The following PLA2R1 variants were observed in gnomAD, a reference collection of about 807,000 sequenced individuals.
PLA2R1 encodes the protein phospholipase A2 receptor 1.
In PLA2R1, 158 loss-of-function variants were observed where a neutral mutation model predicts 195.9. The ratio of observed to expected loss-of-function variants is 0.81; its 90% CI spans 0.71 to 0.92. PLA2R1 has a LOEUF of 0.92. PLA2R1 is among the 40% of genes least tolerant of loss of function. The pLI is 0.00. For synonymous variants in PLA2R1, 586 were observed against 598.2 expected (o/e 0.98, Z 0.30); for missense variants, 1,626 against 1,764.6 (o/e 0.92, Z 1.41).
At chr2:160,023,932 C>G (rs1368786997) in intron 6 of PLA2R1, among the ~76,000 whole-genome samples, 3 of 133,180 alleles carry the variant, frequency 2.3e-5, no homozygotes, top group Non-Finnish European at 4.6e-5. Flanking sequence ...CAGCTCAGAG[C>G]CAGGAGAGAC....
chr2:160,054,755 A>G (rs1411720341), intron 1 of PLA2R1, among the ~76,000 whole-genome samples: 2 of 152,134 alleles, frequency 1.3e-5, no homozygotes, highest in African/African-American at 4.8e-5. Context: ...TCTTTTGTTT[A>G]TTTTATGAAC....
intron 1 of PLA2R1, among the ~76,000 whole-genome samples, chr2:160,061,803 C>T (rs907129379): frequency 7.2e-5 from 11 of 152,020 alleles, no homozygotes; most frequent in Non-Finnish European, 1.5e-4. Context: ...AAAAGTTTTC[C>T]TTAAGGAAGG....
chr2:160,022,812 T>C lies in PLA2R1; in HGVS notation c.1147A>G (p.Asn383Asp). The C allele has an allele frequency of 1.2e-6, 2 of 1,613,510 alleles. No individual in the cohort carries two copies. Among genetic ancestry groups the C allele is most frequent in the Non-Finnish European group, 8.5e-7 (1 of 1,179,624 alleles). Reference sequence around the variant, plus strand: ...TTGTAGCAATTACGATTGTAGGGATTCCAGCCAGGCTCACAGTGGGTAGCA... The same window carrying C: ...TTGTAGCAATTACGATTGTAGGGATCCCAGCCAGGCTCACAGTGGGTAGCA... Reference protein sequence around the residue: ...YYATHCEPGWNPYNRNCYKLQ... With the variant: ...YYATHCEPGWDPYNRNCYKLQ... The change falls in exon 7 of 30, where the codon AAT becomes GAT. Residue 383 changes from asparagine (N) to aspartate (D), a missense_variant. By Grantham distance (23) the Asn-to-Asp change is conservative. Coordinates refer to ENST00000283243, the MANE Select transcript of PLA2R1 (RefSeq NM_007366.5).
intron 11 of PLA2R1, among the ~76,000 whole-genome samples, chr2:159,997,022 G>A (rs1266247461): frequency 6.6e-6 from 1 of 152,108 alleles, no homozygotes; most frequent in Non-Finnish European, 1.5e-5. Context: ...TCCTGTCATA[G>A]CTGACTGGCT....
intron 1 of PLA2R1, among the ~76,000 whole-genome samples, chr2:160,061,275 G>A (rs982463572): frequency 7.9e-5 from 12 of 152,160 alleles, no homozygotes; most frequent in African/African-American, 2.9e-4. Context: ...CTCTGCCTGA[G>A]GTGGCCCATT....
At chr2:159,952,762 C>T (rs916724244) in intron 23 of PLA2R1, among the ~76,000 whole-genome samples, 7 of 152,296 alleles carry the variant, frequency 4.6e-5, no homozygotes, top group Non-Finnish European at 8.8e-5. Context: ...CAGAAAGCAT[C>T]CTATGAATGT....
chr2:160,016,473 G>T (rs1205670123), intron 9 of PLA2R1, 141 bp downstream of exon 9: 6 of 575,968 alleles, frequency 1.0e-5, no homozygotes, highest in South Asian at 4.0e-5. Context: ...AGGAAAGAAG[G>T]GGGGGGTGCG....
chr2:159,985,179 C>T (rs1030664751), intron 12 of PLA2R1, among the ~76,000 whole-genome samples: 1 of 152,162 alleles, frequency 6.6e-6, no homozygotes, highest in African/African-American at 2.4e-5. Context: ...TTCACAGGCC[C>T]CAGTTTACTC....
chr2:160,002,179 TA>T (rs953989813), intron 11 of PLA2R1, among the ~76,000 whole-genome samples: 2 of 151,514 alleles, frequency 1.3e-5, no homozygotes, highest in African/African-American at 4.8e-5. Context: ...TTTGGGAAAT[TA>T]AAAAAAATCT....
chr2:159,967,405 A>G, intron 20 of PLA2R1, 134 bp downstream of exon 20: 1 of 672,148 alleles, frequency 1.5e-6, no homozygotes, highest in Non-Finnish European at 2.5e-6. Flanking sequence ...AAATTTCTTG[A>G]AAGTTGTGAC....
Position 159,967,626 on chromosome 2 carries a change from T to C in PLA2R1, c.2817A>G (p.Arg939=), listed in dbSNP as rs1415231652. Residue 939 remains arginine (R), a synonymous_variant, in exon 20 of 30, where the codon CGA becomes CGG. Transcript: ENST00000283243. The stretch of plus-strand genomic sequence containing the variant: ...TTTTCTCTATGAGCCAAACCTTTTT[T>C]CGCTTACAGATACTAGGCATAGAAA... The part of the protein sequence containing the change: ...CSVSMPSICK[R]KKVWLIEKKK... 1.2e-6 allele frequency: 2 copies of C among 1,613,704 alleles called. No homozygotes were observed. The highest frequency in any genetic ancestry group is 1.3e-5 in the African/African-American group (1 of 74,924).
At chr2:160,016,200 G>T (rs1410106568) in intron 9 of PLA2R1, among the ~76,000 whole-genome samples, 2 of 148,026 alleles carry the variant, frequency 1.4e-5, no homozygotes, top group Admixed American at 1.4e-4. Context: ...GGAGGTGGAG[G>T]TTGCAGTGAG....
chr2:159,947,095 C>T (rs556981826), intron 26 of PLA2R1, among the ~76,000 whole-genome samples, 178 bp from the exon 27 acceptor site: 1 of 152,126 alleles, frequency 6.6e-6, no homozygotes, highest in Non-Finnish European at 1.5e-5. Context: ...TACAAGCTTG[C>T]ACGTCAGAAG....
intron 17 of PLA2R1, among the ~76,000 whole-genome samples, chr2:159,973,897 G>A (rs113988293): frequency 2.0e-5 from 3 of 152,218 alleles, no homozygotes; most frequent in African/African-American, 7.2e-5. Context: ...CTGATTTGAG[G>A]TCAGAATCCT....
rs544258345 is a variant in PLA2R1, at chr2:159,964,371, A to C, written c.2904+3168T>G. 2.0e-5 allele frequency among the ~76,000 whole-genome samples: 3 copies of C among 152,342 alleles called. No individual in the cohort carries two copies. In the East Asian group the frequency reaches 5.8e-4, roughly 29 times the overall value. On this transcript the variant is annotated intron_variant, in intron 20 of 29. Transcript: ENST00000283243. ...TGAATTGTACACTCAATAATGGTTA[A>C]AATGGCAAATGTTATGTTACATTAT...
intron 2 of PLA2R1, among the ~76,000 whole-genome samples, chr2:160,042,753 T>G (rs1475875017): frequency 6.6e-6 from 1 of 150,846 alleles, no homozygotes; most frequent in Non-Finnish European, 1.5e-5. Flanking sequence ...AGCGGTGCCA[T>G]GATGAAAAAT....
chr2:159,949,865 C>T (rs538706860), intron 24 of PLA2R1, 89 bp from the exon 25 acceptor site: 19 of 1,029,056 alleles, frequency 1.8e-5, no homozygotes, highest in African/African-American at 1.3e-4. Context: ...ATTCCCACAT[C>T]GATTGCTATT....
chr2:159,944,898 T>C lies in PLA2R1; in HGVS notation c.4144+8A>G, dbSNP rs1482445404. 1 of 1,602,570 alleles carries C rather than the reference T, an allele frequency of 6.2e-7. No individual in the cohort carries two copies. Among genetic ancestry groups the C allele is most frequent in the South Asian group, 1.1e-5 (1 of 90,602 alleles). On this transcript the variant is annotated splice_region_variant and intron_variant, in intron 28 of 29. Coordinates refer to ENST00000283243, the MANE Select transcript of PLA2R1 (RefSeq NM_007366.5). ...CAAAATGAAGAATTACTCTCTGACT[T>C]TACCTACCTGCCTCCATTTTACATA...
At chr2:159,955,673 C>A in intron 22 of PLA2R1, 25 bp downstream of exon 22, 1 of 1,305,204 alleles carries the variant, frequency 7.7e-7, no homozygotes, top group Non-Finnish European at 1.0e-6. Context: ...AAAGTGATCT[C>A]CAAAAAATAA....
Sources: gnomAD v4.1 joint callset for allele counts (sites outside exome capture counted in the v4.1 genomes callset) on GRCh38, gnomAD v4.1.1 for gene constraint, MANE v1.5 for transcripts, NCBI Gene and HGNC (gene_info 2026-07-23, HGNC 2026-07-21) for gene names.